TRIM69: variants seen among roughly 807,000 people sequenced by gnomAD.
TRIM69 encodes the protein E3 ubiquitin-protein ligase TRIM69.
Under a neutral mutation model 37.7 loss-of-function variants are expected in TRIM69, and 29 were observed. That is an observed-to-expected ratio of 0.77 (90% CI 0.57 to 1.05). The LOEUF is 1.05. Ranked by LOEUF, TRIM69 falls within the 50% of genes least tolerant of loss-of-function variation. The pLI is 0.00. For synonymous variants in TRIM69, 209 were observed against 212.4 expected, an observed-to-expected ratio of 0.98 and a Z score of 0.14; for missense variants, 596 against 579.9, an observed-to-expected ratio of 1.03 and a Z score of -0.28.
At chr15:44,758,973 A>ACAAAG (rs1299310663) in intron 4 of TRIM69, 119 bp downstream of exon 4, 4 of 1,249,708 alleles carry the variant, frequency 3.2e-6, no homozygotes, top group Non-Finnish European at 2.2e-6. Flanking sequence ...ACAAAACAAA[A>ACAAAG]CTGTTATAGT....
At chr15:44,738,905 T>A (rs770974781) in intron 1 of TRIM69, among the ~76,000 whole-genome samples, 1 of 152,198 alleles carries the variant, frequency 6.6e-6, no homozygotes, top group African/African-American at 2.4e-5. Flanking sequence ...TAATCCCTTG[T>A]TTTACAGAAA....
intron 1 of TRIM69, among the ~76,000 whole-genome samples, chr15:44,748,780 C>A: frequency 7.1e-6 from 1 of 141,098 alleles, no homozygotes; most frequent in South Asian, 2.4e-4. Flanking sequence ...GAGCCAAGAT[C>A]ATGCCATTAC....
intron 1 of TRIM69, chr15:44,753,594 G>A (rs917419786): frequency 7.2e-5 from 11 of 152,046 alleles, no homozygotes; most frequent in Admixed American, 6.6e-5. Flanking sequence ...CCTTGTCATT[G>A]GACACTTCAA....
intron 1 of TRIM69, among the ~76,000 whole-genome samples, chr15:44,739,849 T>A (rs891612429): frequency 1.3e-5 from 2 of 151,638 alleles, no homozygotes; most frequent in Admixed American, 6.6e-5. Flanking sequence ...GACTTAAATG[T>A]CCCTGTCTGA....
chr15:44,759,729 T>C lies in TRIM69; in HGVS notation c.837-19T>C, dbSNP rs2087732177. 1.1e-5 allele frequency: 18 copies of C among 1,614,026 alleles called. No homozygotes were observed. Among genetic ancestry groups the C allele is most frequent in the Non-Finnish European group, 1.4e-5 (17 of 1,180,030 alleles). ...TCTCTGGAGGATGTCTAAGGATAAA[T>C]GATTTATGTGCCCTGCAGCTTGGAG... is the stretch of plus-strand genomic sequence containing the variant. On this transcript the variant is annotated intron_variant, in intron 5 of 6. Transcript: ENST00000329464.
intron 1 of TRIM69, among the ~76,000 whole-genome samples, chr15:44,744,772 G>C (rs1171517387): frequency 6.6e-6 from 1 of 152,114 alleles, no homozygotes; most frequent in Admixed American, 6.5e-5. Context: ...GCTTTGACCT[G>C]TCTGGTGCTT....
intron 6 of TRIM69, among the ~76,000 whole-genome samples, chr15:44,761,789 T>C (rs962482437): frequency 6.6e-6 from 1 of 152,206 alleles, no homozygotes; most frequent in Admixed American, 6.5e-5. Context: ...AGCAATCCTG[T>C]TGAGCGTCCT....
intron 6 of TRIM69, among the ~76,000 whole-genome samples, chr15:44,760,692 A>G (rs370363364): frequency 8.2e-4 from 125 of 152,276 alleles, no homozygotes; most frequent in Middle Eastern, 6.8e-3. Context: ...GTTCTGATGT[A>G]TATATACACT....
rs778700558 is a variant in TRIM69, at chr15:44,755,340, G to T, written c.447G>T (p.Glu149Asp). ...GGTTGTCTGTGGGGCAGTCTAAGGA[G>T]TTCCTGCAAATCTCTGATGCTGTCC... ...DARLSVGQSK[E>D]FLQISDAVHF... The change falls in exon 2 of 7, where the codon GAG (glutamate) becomes GAT (aspartate). Residue 149 changes from glutamate (E) to aspartate (D), a missense_variant. Physicochemically the swap from Glu to Asp is conservative, Grantham distance 45. Coordinates refer to ENST00000329464, the MANE Select transcript of TRIM69 (RefSeq NM_182985.5). 5 of 1,613,840 alleles carry T rather than the reference G, an allele frequency of 3.1e-6. No individual in the cohort carries two copies. The highest frequency in any genetic ancestry group is 4.2e-6 in the Non-Finnish European group (5 of 1,179,986).
At chr15:44,766,889 T>A (rs2087898678) in intron 6 of TRIM69, among the ~76,000 whole-genome samples, 1 of 150,734 alleles carries the variant, frequency 6.6e-6, no homozygotes. Context: ...AAACCCTGTC[T>A]CTACTAAAAA....
At chr15:44,750,517 A>T (rs113421324) in intron 1 of TRIM69, among the ~76,000 whole-genome samples, 1 of 151,942 alleles carries the variant, frequency 6.6e-6, no homozygotes, top group Non-Finnish European at 1.5e-5. Flanking sequence ...TGGGTTGTTC[A>T]TTTGTTGGCA....
At chr15:44,761,026 T>TCCTG (rs2087763756) in intron 6 of TRIM69, among the ~76,000 whole-genome samples, 1 of 152,078 alleles carries the variant, frequency 6.6e-6, no homozygotes, top group Non-Finnish European at 1.5e-5. Context: ...CATGCCATTC[T>TCCTG]CCTGCCTCAG....
chr15:44,754,621 T>TG, intron 1 of TRIM69: 1 of 367,706 alleles, frequency 2.7e-6, no homozygotes, highest in African/African-American at 2.1e-5. Flanking sequence ...AAAAGACACT[T>TG]GGGGAAAGTG....
At position 44,758,650 on chromosome 15, in the gene TRIM69, G is replaced by A. The variant is rs1370080114; in HGVS notation, c.609G>A (p.Val203=). 2 of 1,614,102 alleles carry A rather than the reference G, an allele frequency of 1.2e-6. No individual in the cohort carries two copies. Among genetic ancestry groups the A allele is most frequent in the South Asian group, 1.1e-5 (1 of 91,080 alleles). Residue 203 remains valine, a synonymous_variant, in exon 4 of 7, where the codon GTG becomes GTA. Coordinates refer to ENST00000329464, the MANE Select transcript of TRIM69 (RefSeq NM_182985.5). ...KENKLHLQQH[V]SMEFLKLHQF... is the part of the protein sequence containing the mutation. ...ACAAGCTACATCTGCAGCAACATGT[G>A]TCCATGGAGTTTCTAAAGCTGCATC... is the stretch of plus-strand genomic sequence containing the variant.
At chr15:44,758,421 T>A (rs1566897728) in intron 3 of TRIM69, 200 bp from the exon 4 acceptor site, 2 of 797,938 alleles carry the variant, frequency 2.5e-6, no homozygotes, top group East Asian at 5.4e-5. Flanking sequence ...TATTTCATCC[T>A]GAACTATTAA....
At chr15:44,741,090 A>G (rs1354015999) in intron 1 of TRIM69, among the ~76,000 whole-genome samples, 2 of 151,108 alleles carry the variant, frequency 1.3e-5, no homozygotes, top group Admixed American at 6.6e-5. Context: ...AGCAAATGTA[A>G]AAGAACAGAA....
chr15:44,736,541 G>A lies in TRIM69; in HGVS notation c.-164G>A. On this transcript the variant is annotated 5_prime_UTR_variant, in exon 1 of 7. Transcript: ENST00000329464. ...ACGGAATCTGCCAGACCTCACTCTG[G>A]CCTTGCTGCTTCTCTCCAGCTCCTG... 1 of 645,458 alleles carries A rather than the reference G, an allele frequency of 1.5e-6. No homozygotes were observed. Among genetic ancestry groups the A allele is most frequent in the Non-Finnish European group, 2.5e-6 (1 of 397,846 alleles). 40.0% of individuals were successfully genotyped at this position (645,458 alleles called of 1,614,324 possible). A position where few individuals can be genotyped will look rare whatever the true frequency, so the allele number is the denominator to read the frequency against.
chr15:44,752,448 TC>T, intron 1 of TRIM69, among the ~76,000 whole-genome samples: 1 of 152,322 alleles, frequency 6.6e-6, no homozygotes, highest in South Asian at 2.1e-4. Context: ...AGCTACTCCA[TC>T]TTTTTTGGGT....
At chr15:44,740,949 C>G (rs2087269786) in intron 1 of TRIM69, among the ~76,000 whole-genome samples, 1 of 152,094 alleles carries the variant, frequency 6.6e-6, no homozygotes, top group African/African-American at 2.4e-5. Flanking sequence ...TTGAACTCAG[C>G]TCTGCACCAA....
Sources: gnomAD v4.1 joint callset for allele counts (sites outside exome capture counted in the v4.1 genomes callset) on GRCh38, gnomAD v4.1.1 for gene constraint, MANE v1.5 for transcripts, NCBI Gene and HGNC (gene_info 2026-07-23, HGNC 2026-07-21) for gene names.